Variants in CCDC85A observed in about 807,000 individuals in gnomAD.
CCDC85A encodes coiled-coil domain-containing protein 85A.
A neutral mutation model predicts 50.2 loss-of-function variants in CCDC85A; 38 were observed. The observed-to-expected ratio is 0.76, with a 90% CI of 0.58 to 0.99. CCDC85A has a LOEUF of 0.99. CCDC85A is among the 50% of genes least tolerant of loss of function. The pLI is 0.00. For missense variants in CCDC85A, 820 were observed against 742.0 expected (o/e 1.11, Z -1.22); for synonymous variants, 366 against 301.4 (o/e 1.21, Z -2.22).
chr2:56,297,524 G>A (rs183033183), intron 2 of CCDC85A, among the ~76,000 whole-genome samples: 161 of 151,972 alleles, frequency 1.1e-3, no homozygotes, highest in Admixed American at 2.2e-3. Context: ...TAGCTATTCA[G>A]TAGGCAAGAG....
At chr2:56,281,445 T>C (rs767548781) in intron 2 of CCDC85A, among the ~76,000 whole-genome samples, 20 of 152,164 alleles carry the variant, frequency 1.3e-4, no homozygotes, top group Non-Finnish European at 2.2e-4. Flanking sequence ...TACCTAGGAA[T>C]AGAATTGCAA....
chr2:56,240,895 T>G (rs958672562), intron 2 of CCDC85A, among the ~76,000 whole-genome samples: 6 of 152,044 alleles, frequency 3.9e-5, no homozygotes, highest in African/African-American at 7.3e-5. Flanking sequence ...CTCCTGGGAG[T>G]GGAATTGCTG....
At chr2:56,259,847 C>A (rs114166775) in intron 2 of CCDC85A, among the ~76,000 whole-genome samples, 162 of 152,310 alleles carry the variant, frequency 1.1e-3, no homozygotes, top group Non-Finnish European at 2.0e-3. Flanking sequence ...CTTGATTTCT[C>A]CTTGCCTTTC....
At chr2:56,312,878 G>C (rs62167337) in intron 2 of CCDC85A, among the ~76,000 whole-genome samples, 21,959 of 152,052 alleles carry the variant, frequency 0.14, 1,804 homozygotes, top group East Asian at 0.33. Flanking sequence ...TGATATATTT[G>C]TAGTTTTATA....
At chr2:56,282,993 A>G (rs1286307610) in intron 2 of CCDC85A, among the ~76,000 whole-genome samples, 1 of 152,144 alleles carries the variant, frequency 6.6e-6, no homozygotes, top group East Asian at 1.9e-4. Context: ...GTTGATTTTT[A>G]TATATTGACC....
chr2:56,344,016 A>G (rs1053955886), intron 3 of CCDC85A, among the ~76,000 whole-genome samples: 2 of 152,070 alleles, frequency 1.3e-5, no homozygotes, highest in South Asian at 4.1e-4. Context: ...TCTTTCTTCC[A>G]TTGGCTAACA....
At chr2:56,333,803 T>A (rs540781315) in intron 2 of CCDC85A, among the ~76,000 whole-genome samples, 1 of 152,246 alleles carries the variant, frequency 6.6e-6, no homozygotes, top group South Asian at 2.1e-4. Flanking sequence ...AAGGAAAGCA[T>A]AATACTTGAA....
At chr2:56,341,820 G>T (rs11125624) in intron 2 of CCDC85A, among the ~76,000 whole-genome samples, 18,986 of 152,194 alleles carry the variant, frequency 0.12, 1,330 homozygotes, top group East Asian at 0.31. Context: ...CTCTGTCACA[G>T]TCAGCCAAAA....
chr2:56,328,024 G>A (rs1673565419), intron 2 of CCDC85A, among the ~76,000 whole-genome samples: 1 of 152,104 alleles, frequency 6.6e-6, no homozygotes, highest in East Asian at 1.9e-4. Context: ...AGGAAACTGA[G>A]GTTAAAACAC....
chr2:56,354,870 A>T (rs1390458253), intron 3 of CCDC85A, among the ~76,000 whole-genome samples: 3 of 152,212 alleles, frequency 2.0e-5, no homozygotes, highest in Non-Finnish European at 2.9e-5. Context: ...TCAATAATCA[A>T]TGGAGTCTTT....
At chr2:56,273,687 AATATATAT>A (rs10579579) in intron 2 of CCDC85A, among the ~76,000 whole-genome samples, 1 of 148,222 alleles carries the variant, frequency 6.7e-6, no homozygotes, top group Non-Finnish European at 1.5e-5. Context: ...TGGGTTTCAG[AATATATAT>A]ATATATATAT....
At chr2:56,236,435 C>G (rs142935150) in intron 2 of CCDC85A, among the ~76,000 whole-genome samples, 463 of 152,260 alleles carry the variant, frequency 3.0e-3, no homozygotes, top group Non-Finnish European at 4.1e-3. Context: ...CCTTTTCTGA[C>G]TTGGCCTTCT....
chr2:56,337,861 T>C (rs1243735411), intron 2 of CCDC85A, among the ~76,000 whole-genome samples: 1 of 151,760 alleles, frequency 6.6e-6, no homozygotes, highest in Non-Finnish European at 1.5e-5. Flanking sequence ...CTCCGCTCAC[T>C]GCAACCTCCG....
intron 2 of CCDC85A, among the ~76,000 whole-genome samples, chr2:56,328,694 A>G (rs1673600938): frequency 6.6e-6 from 1 of 152,156 alleles, no homozygotes; most frequent in Non-Finnish European, 1.5e-5. Context: ...TGCCAAAAAT[A>G]TAGCGATGAT....
At chr2:56,329,943 C>CTTTTTTTTTTTTTTTTTTT (rs1336192523) in intron 2 of CCDC85A, among the ~76,000 whole-genome samples, 3 of 22,872 alleles carry the variant, frequency 1.3e-4, no homozygotes, top group Non-Finnish European at 2.8e-4. Flanking sequence ...TACAGATTTC[C>CTTTTTTTTTTTTTTTTTTT]TGTTTTTTTT....
chr2:56,365,959 A>G (rs544338283), intron 3 of CCDC85A, among the ~76,000 whole-genome samples: 2 of 150,752 alleles, frequency 1.3e-5, no homozygotes, highest in Non-Finnish European at 3.0e-5. Context: ...CTCTCTAAGT[A>G]GAAATAAACT....
intron 2 of CCDC85A, among the ~76,000 whole-genome samples, chr2:56,323,203 T>C (rs1032026485): frequency 6.6e-6 from 1 of 151,994 alleles, no homozygotes; most frequent in African/African-American, 2.4e-5. Flanking sequence ...AAATGATGAG[T>C]TAATGGGTGC....
At chr2:56,293,951 C>T (rs906054679) in intron 2 of CCDC85A, among the ~76,000 whole-genome samples, 10 of 152,192 alleles carry the variant, frequency 6.6e-5, no homozygotes, top group Non-Finnish European at 1.5e-4. Flanking sequence ...AATCCCATTA[C>T]TGGGTATACA....
intron 3 of CCDC85A, among the ~76,000 whole-genome samples, chr2:56,357,835 G>A (rs1308570781): frequency 6.6e-6 from 1 of 152,078 alleles, no homozygotes; most frequent in Admixed American, 6.6e-5. Flanking sequence ...ACAATATGGA[G>A]ACCCAGTGTG....
Sources: gnomAD v4.1 joint callset for allele counts (sites outside exome capture counted in the v4.1 genomes callset) on GRCh38, gnomAD v4.1.1 for gene constraint, MANE v1.5 for transcripts, NCBI Gene and HGNC (gene_info 2026-07-23, HGNC 2026-07-21) for gene names.